CHM: variants seen among roughly 807,000 people sequenced by gnomAD.
CHM encodes the protein CHM Rab escort protein, also known as rab proteins geranylgeranyltransferase component A 1.
CHM carries 10 observed loss-of-function variants against 49.0 expected under a neutral mutation model. That is an observed-to-expected ratio of 0.20 (90% CI 0.13 to 0.35). The LOEUF (loss-of-function observed/expected upper bound fraction) is 0.35. Ranked by LOEUF, CHM falls within the 10% of genes least tolerant of loss-of-function variation. The probability of loss-of-function intolerance (pLI) is 1.00; values close to 1 mark genes in which losing one functional copy is unlikely to be tolerated. For synonymous variants in CHM, 184 were observed against 167.5 expected (o/e 1.10, Z -0.76); for missense variants, 455 against 478.4 (o/e 0.95, Z 0.46).
chrX:86,016,165 G>A (rs928528976), intron 2 of CHM, among the ~76,000 whole-genome samples: 8 of 110,973 alleles, frequency 7.2e-5, no homozygotes, highest in East Asian at 2.8e-4. Context: ...GGTGACTCAC[G>A]TGCCGTTAAA....
chrX:85,978,284 A>G (rs975649262), intron 4 of CHM, among the ~76,000 whole-genome samples: 2 of 111,675 alleles, frequency 1.8e-5, no homozygotes, highest in African/African-American at 6.5e-5. Flanking sequence ...ATAATCTTCC[A>G]TTTTGCTACA....
At chrX:85,932,305 C>A (rs1569417285) in intron 8 of CHM, among the ~76,000 whole-genome samples, 1 of 112,043 alleles carries the variant, frequency 8.9e-6, no homozygotes, top group African/African-American at 3.2e-5. Flanking sequence ...AAGTGAACAG[C>A]AGAAATATTT....
intron 2 of CHM, among the ~76,000 whole-genome samples, chrX:86,021,114 ATGTG>A (rs1274222831): frequency 2.1e-4 from 14 of 66,568 alleles, no homozygotes; most frequent in Non-Finnish European, 3.8e-4. Context: ...ACGTATATAT[ATGTG>A]TATATACGTA....
chrX:86,046,448 G>A (rs1271133428), intron 1 of CHM, among the ~76,000 whole-genome samples: 3 of 112,008 alleles, frequency 2.7e-5, no homozygotes, highest in Non-Finnish European at 5.6e-5. Context: ...TTAAGCATTC[G>A]AAAACAGGTA....
At chrX:85,968,826 A>C (rs1930720261) in intron 4 of CHM, among the ~76,000 whole-genome samples, 1 of 111,626 alleles carries the variant, frequency 9.0e-6, no homozygotes, top group South Asian at 3.7e-4. Context: ...ACAATTACAA[A>C]TCCTCTACCT....
intron 1 of CHM, among the ~76,000 whole-genome samples, chrX:86,046,508 C>A (rs1001339347): frequency 1.4e-4 from 16 of 112,048 alleles, no homozygotes; most frequent in African/African-American, 5.2e-4. Flanking sequence ...CTAATCATGG[C>A]TGTATGAGAA....
chrX:85,960,044 T>C (rs1261406591), intron 5 of CHM, among the ~76,000 whole-genome samples: 2 of 111,592 alleles, frequency 1.8e-5, no homozygotes, highest in Non-Finnish European at 3.8e-5. Flanking sequence ...TGATTAAATA[T>C]GGCACGTTAC....
At chrX:86,028,470 T>C (rs1437507221) in intron 1 of CHM, among the ~76,000 whole-genome samples, 1 of 111,907 alleles carries the variant, frequency 8.9e-6, no homozygotes, top group Non-Finnish European at 1.9e-5. Context: ...TACATTATTT[T>C]GCTTTTGACC....
chrX:85,981,208 A>ATTTC (rs199645007), intron 3 of CHM, among the ~76,000 whole-genome samples: 28,580 of 72,199 alleles, frequency 0.4, 4,859 homozygotes, highest in Admixed American at 0.53. Context: ...TTCTATTTCT[A>ATTTC]TATATATATA....
chrX:85,984,856 TATG>T (rs1229901157), intron 2 of CHM, among the ~76,000 whole-genome samples: 9 of 112,537 alleles, frequency 8.0e-5, no homozygotes, highest in Non-Finnish European at 9.4e-5. Flanking sequence ...GTACATACTA[TATG>T]ATACCATTTA....
chrX:85,992,684 T>C (rs1173114795), intron 2 of CHM, among the ~76,000 whole-genome samples: 2 of 112,239 alleles, frequency 1.8e-5, no homozygotes, highest in Non-Finnish European at 3.8e-5. Flanking sequence ...GCAATTCTAA[T>C]GTCAGAGAGG....
intron 2 of CHM, chrX:86,027,275 C>CAAAAG: frequency 2.5e-6 from 1 of 404,069 alleles, no homozygotes; most frequent in Non-Finnish European, 4.4e-6. Context: ...GGTTTATTCT[C>CAAAAG]AAAGATCACT....
chrX:85,901,210 C>G (rs1926269784), intron 9 of CHM, 22 bp from the exon 10 acceptor site: 1 of 896,369 alleles, frequency 1.1e-6, no homozygotes, highest in Non-Finnish European at 1.6e-6. Context: ...ATAAGCATAC[C>G]ATAAAAGTTC....
At chrX:85,981,928 C>T in intron 2 of CHM, 119 bp from the exon 3 acceptor site, 3 of 575,392 alleles carry the variant, frequency 5.2e-6, no homozygotes, top group Non-Finnish European at 8.3e-6. Flanking sequence ...ATATTACTGC[C>T]TCAAGAGTTC....
chrX:85,908,430 G>C (rs763511146), intron 9 of CHM, among the ~76,000 whole-genome samples: 252 of 111,618 alleles, frequency 2.3e-3, no homozygotes, highest in African/African-American at 7.9e-3. Context: ...TATTTGACTT[G>C]CTAGTTTAAA....
chrX:85,893,869 GA>G (rs1168716722), intron 12 of CHM, among the ~76,000 whole-genome samples: 1 of 110,042 alleles, frequency 9.1e-6, no homozygotes, highest in Non-Finnish European at 1.9e-5. Context: ...AGAAAGTAAA[GA>G]AAAAAAATTA....
chrX:85,998,200 AAAT>A (rs1437277869), intron 2 of CHM, among the ~76,000 whole-genome samples: 1 of 111,846 alleles, frequency 8.9e-6, no homozygotes, highest in African/African-American at 3.3e-5. Context: ...TACTATTACT[AAAT>A]AATATTCTCA....
intron 8 of CHM, among the ~76,000 whole-genome samples, chrX:85,946,754 G>T (rs372072082): frequency 2.2e-4 from 25 of 111,795 alleles, no homozygotes; most frequent in African/African-American, 8.1e-4. Flanking sequence ...ACTGCATAAT[G>T]GAGCTGTGGG....
At chrX:85,986,883 G>C (rs1407472504) in intron 2 of CHM, among the ~76,000 whole-genome samples, 1 of 110,927 alleles carries the variant, frequency 9.0e-6, no homozygotes, top group African/African-American at 3.3e-5. Context: ...TTGAGATTCA[G>C]GAGGATGGAG....
Sources: allele counts gnomAD v4.1 joint callset (sites outside exome capture counted in the v4.1 genomes callset), GRCh38; gene constraint gnomAD v4.1.1; transcripts MANE v1.5; gene names NCBI Gene and HGNC (gene_info 2026-07-23, HGNC 2026-07-21).